The following KIAA1549L variants were observed in gnomAD, a reference collection of about 807,000 sequenced individuals.
The protein encoded by KIAA1549L is KIAA1549 like, also known as UPF0606 protein KIAA1549L.
A neutral mutation model predicts 160.7 loss-of-function variants in KIAA1549L; 88 were observed. The ratio of observed to expected loss-of-function variants is 0.55; its 90% CI spans 0.46 to 0.65. KIAA1549L has a LOEUF of 0.65. Among genes scored for constraint, KIAA1549L ranks in the 30% least tolerant of loss-of-function variants. KIAA1549L has a pLI of 0.00. For missense variants in KIAA1549L, 2,258 were observed against 2,437.5 expected (o/e 0.93, Z 1.55); for synonymous variants, 950 against 976.7 (o/e 0.97, Z 0.51).
chr11:33,517,143 G>A (rs118035418), intron 1 of KIAA1549L, among the ~76,000 whole-genome samples: 51 of 152,308 alleles, frequency 3.3e-4, no homozygotes, highest in Non-Finnish European at 5.6e-4. Flanking sequence ...CGATGCTAGG[G>A]TATGTCTCTC....
intron 9 of KIAA1549L, among the ~76,000 whole-genome samples, chr11:33,570,251 C>T (rs1038068784): frequency 4.6e-5 from 7 of 152,128 alleles, no homozygotes; most frequent in African/African-American, 1.7e-4. Context: ...ATCCACCCAC[C>T]TCAGCCTCCC....
intron 11 of KIAA1549L, among the ~76,000 whole-genome samples, chr11:33,584,642 G>A (rs1019184318): frequency 3.3e-5 from 5 of 152,232 alleles, no homozygotes; most frequent in Non-Finnish European, 7.3e-5. Context: ...GTTCATCACA[G>A]CAGCCTTATG....
intron 16 of KIAA1549L, among the ~76,000 whole-genome samples, chr11:33,637,223 G>A (rs1467079134): frequency 6.6e-6 from 1 of 152,194 alleles, no homozygotes; most frequent in Non-Finnish European, 1.5e-5. Context: ...AGCTCTGCCA[G>A]TTCTCTTCCA....
chr11:33,606,164 T>C (rs954857930), intron 13 of KIAA1549L, among the ~76,000 whole-genome samples: 3 of 152,196 alleles, frequency 2.0e-5, no homozygotes, highest in Non-Finnish European at 4.4e-5. Context: ...TAACTGTGGC[T>C]TGTTGACCAA....
At chr11:33,447,357 G>A (rs1851632280) in intron 1 of KIAA1549L, among the ~76,000 whole-genome samples, 1 of 152,070 alleles carries the variant, frequency 6.6e-6, no homozygotes, top group South Asian at 2.1e-4. Flanking sequence ...GTTTAGACAG[G>A]TTGTGACAGC....
chr11:33,459,960 C>CAA (rs61580338), intron 1 of KIAA1549L, among the ~76,000 whole-genome samples: 13 of 67,220 alleles, frequency 1.9e-4, no homozygotes, highest in African/African-American at 3.0e-4. Context: ...GACTCCGTCT[C>CAA]AAAAAAAAAA....
intron 16 of KIAA1549L, among the ~76,000 whole-genome samples, chr11:33,631,475 G>A (rs924772252): frequency 6.6e-6 from 1 of 152,142 alleles, no homozygotes; most frequent in Admixed American, 6.5e-5. Context: ...TCTTCATATG[G>A]TGCGCTGTCC....
At chr11:33,617,721 T>C (rs1300927413) in intron 15 of KIAA1549L, among the ~76,000 whole-genome samples, 2 of 152,232 alleles carry the variant, frequency 1.3e-5, no homozygotes, top group East Asian at 1.9e-4. Context: ...TTTTGTTCAC[T>C]GTGGATGTTC....
chr11:33,550,312 A>G (rs1033397120), intron 4 of KIAA1549L, among the ~76,000 whole-genome samples: 1 of 152,052 alleles, frequency 6.6e-6, no homozygotes, highest in African/African-American at 2.4e-5. Context: ...TCTGTAATAA[A>G]CATTATATTT....
At chr11:33,487,346 T>TG (rs990507349) in intron 1 of KIAA1549L, among the ~76,000 whole-genome samples, 2 of 146,622 alleles carry the variant, frequency 1.4e-5, no homozygotes, top group African/African-American at 5.0e-5. Context: ...GCCCACTAGG[T>TG]GGGGGGCAGG....
chr11:33,538,801 T>C (rs1416258506), intron 1 of KIAA1549L, among the ~76,000 whole-genome samples: 1 of 152,108 alleles, frequency 6.6e-6, no homozygotes, highest in Non-Finnish European at 1.5e-5. Context: ...TGAACTATTC[T>C]TCTAGTTAAA....
chr11:33,635,097 C>T (rs895344331), intron 16 of KIAA1549L, among the ~76,000 whole-genome samples: 2 of 152,196 alleles, frequency 1.3e-5, no homozygotes, highest in Non-Finnish European at 2.9e-5. Context: ...CCAAAGGTCT[C>T]TCTGCTCCTG....
At chr11:33,650,832 A>G (rs551704654) in intron 17 of KIAA1549L, among the ~76,000 whole-genome samples, 1 of 152,106 alleles carries the variant, frequency 6.6e-6, no homozygotes, top group Non-Finnish European at 1.5e-5. Context: ...CCATACCACC[A>G]TACTCTTCTT....
chr11:33,555,453 A>G (rs1353639008), intron 6 of KIAA1549L, among the ~76,000 whole-genome samples: 1 of 152,256 alleles, frequency 6.6e-6, no homozygotes, highest in Non-Finnish European at 1.5e-5. Context: ...GTGCTGGCAT[A>G]AAGGCAGACA....
intron 13 of KIAA1549L, among the ~76,000 whole-genome samples, chr11:33,605,520 T>A (rs544439028): frequency 6.6e-6 from 1 of 152,308 alleles, no homozygotes; most frequent in South Asian, 2.1e-4. Flanking sequence ...AAAAATCCAA[T>A]TATAACCCAT....
At chr11:33,540,185 C>T (rs1853984851) in intron 1 of KIAA1549L, among the ~76,000 whole-genome samples, 1 of 152,176 alleles carries the variant, frequency 6.6e-6, no homozygotes, top group Non-Finnish European at 1.5e-5. Flanking sequence ...GTTTGCAAAA[C>T]TTCCTGCTGA....
intron 16 of KIAA1549L, among the ~76,000 whole-genome samples, chr11:33,642,113 A>G (rs1192355673): frequency 6.6e-6 from 1 of 152,192 alleles, no homozygotes. Context: ...TGATGATAAT[A>G]GGAGGAGTAT....
At chr11:33,503,964 T>C (rs896317813) in intron 1 of KIAA1549L, among the ~76,000 whole-genome samples, 3 of 152,232 alleles carry the variant, frequency 2.0e-5, no homozygotes, top group Non-Finnish European at 4.4e-5. Context: ...AGAATTGTTA[T>C]ATTAAAATCT....
At chr11:33,550,025 AC>A (rs1424297665) in intron 4 of KIAA1549L, among the ~76,000 whole-genome samples, 27 of 144,864 alleles carry the variant, frequency 1.9e-4, no homozygotes, top group Admixed American at 1.8e-3. Flanking sequence ...AACAAAAAAA[AC>A]AAACAAAAAA....
Sources: gnomAD v4.1 joint callset for allele counts (sites outside exome capture counted in the v4.1 genomes callset) on GRCh38, gnomAD v4.1.1 for gene constraint, MANE v1.5 for transcripts, NCBI Gene and HGNC (gene_info 2026-07-23, HGNC 2026-07-21) for gene names.